Variants in CMTR1 observed in about 807,000 individuals in gnomAD.
The protein encoded by CMTR1 is cap methyltransferase 1, also known as cap-specific mRNA (nucleoside-2'-O-)-methyltransferase 1.
CMTR1 carries 39 observed loss-of-function variants against 107.0 expected under a neutral mutation model. The observed-to-expected ratio is 0.36, with a 90% CI of 0.28 to 0.48. The LOEUF (loss-of-function observed/expected upper bound fraction) is 0.48. CMTR1 is among the 20% of genes least tolerant of loss of function. CMTR1 has a pLI of 0.99. For synonymous variants in CMTR1, 366 were observed against 379.5 expected (o/e 0.96, Z 0.41); for missense variants, 672 against 1,064.9 (o/e 0.63, Z 5.14).
chr6:37,471,092 C>G lies in CMTR1; in HGVS notation c.1562+15C>G. On this transcript the variant is annotated intron_variant, in intron 14 of 23. Coordinates refer to ENST00000373451, the MANE Select transcript of CMTR1 (RefSeq NM_015050.3). ...GTTCAAGACACGTGAGTGTTGCCCACTTTTCAGAAACCACCTATTTCAAGG... is the reference window on the plus strand; with the variant it reads ...GTTCAAGACACGTGAGTGTTGCCCAGTTTTCAGAAACCACCTATTTCAAGG... 7.6e-6 allele frequency: 12 copies of G among 1,580,794 alleles called. No homozygotes were observed. Among genetic ancestry groups the G allele is most frequent in the Non-Finnish European group, 9.5e-6 (11 of 1,162,822 alleles).
upstream of CMTR1, among the ~76,000 whole-genome samples, chr6:37,431,572 G>A (rs1771372835): frequency 1.3e-5 from 2 of 152,166 alleles, no homozygotes; most frequent in Admixed American, 6.5e-5. Context: ...CAGCTGAGTC[G>A]GGGAGGCAGA....
Position 37,480,027 on chromosome 6 carries a change from G to T in CMTR1, c.2390G>T (p.Gly797Val). 1 of 1,577,910 alleles carries T rather than the reference G, an allele frequency of 6.3e-7. No homozygotes were observed. Among genetic ancestry groups the T allele is most frequent in the Non-Finnish European group, 8.6e-7 (1 of 1,166,344 alleles). The part of the protein sequence containing the change: ...SIAPFHICYY[G>V]RLFWEWGDGI... ...CTCCTCCCCAGCATTTGCTACTATG[G>T]CCGGCTCTTCTGGGAGTGGGGGGAT... The change falls in exon 24 of 24, where the codon GGC (glycine) becomes GTC (valine). Residue 797 changes from glycine to valine, a missense_variant. Around this residue, in one of 2 missense-constraint regions of CMTR1, gnomAD observed 583 missense variants for 968.4 expected, o/e 0.60. Transcript: ENST00000373451.
the CMTR1 span, among the ~76,000 whole-genome samples, chr6:37,425,765 T>A: frequency 6.6e-6 from 1 of 152,216 alleles, no homozygotes; most frequent in Non-Finnish European, 1.5e-5. Context: ...GATATGCATA[T>A]CTTTGAGTTC....
At position 37,446,397 on chromosome 6, in the gene CMTR1, C is replaced by T. The variant is rs146199761; in HGVS notation, c.392C>T (p.Thr131Ile). The change falls in exon 4 of 24, where the codon ACA (threonine) becomes ATA (isoleucine). Residue 131 changes from threonine (T) to isoleucine (I), a missense_variant. By Grantham distance (89) the Thr-to-Ile change is moderately conservative (BLOSUM62 -1). Transcript: ENST00000373451. ...AAAGGTCGAAGAGGCTTGGGTCTGA[C>T]ACTCCGGGGCTTTGACCAGGAGCTG... ...SQKGRRGLGLTLRGFDQELNV... is the reference protein window; with the variant it reads ...SQKGRRGLGLILRGFDQELNV... 101 of 1,614,042 alleles carry T rather than the reference C, an allele frequency of 6.3e-5. No homozygotes were observed. Among genetic ancestry groups the T allele is most frequent in the Middle Eastern group, 1.6e-4 (1 of 6,084 alleles).
chr6:37,436,010 C>T (rs566966905), intron 2 of CMTR1, among the ~76,000 whole-genome samples: 6 of 152,302 alleles, frequency 3.9e-5, no homozygotes, highest in Non-Finnish European at 8.8e-5. Context: ...GGTTGTCCTT[C>T]AGTAGGTGGC....
intron 4 of CMTR1, among the ~76,000 whole-genome samples, chr6:37,448,847 A>G (rs1771866379): frequency 6.6e-6 from 1 of 152,230 alleles, no homozygotes; most frequent in African/African-American, 2.4e-5. Flanking sequence ...CAGTAGAATC[A>G]TCTGGGGACT....
intron 12 of CMTR1, among the ~76,000 whole-genome samples, chr6:37,462,617 A>T (rs1328603784): frequency 6.6e-6 from 1 of 152,232 alleles, no homozygotes; most frequent in Non-Finnish European, 1.5e-5. Flanking sequence ...GGAAGTTAGG[A>T]ACTACTGCGA....
At position 37,435,637 on chromosome 6, in the gene CMTR1, G is replaced by A. The variant is rs951541801; in HGVS notation, c.8G>A (p.Arg3Lys). The change falls in exon 2 of 24, where the codon AGG becomes AAG. Residue 3 changes from arginine to lysine, a missense_variant. Transcript: ENST00000373451. MK[R>K]RTDPECTAPI... is the part of the protein sequence containing the mutation. ...TTATGGTTACAGTTAACGATGAAGA[G>A]GAGAACTGACCCAGAATGCACTGCC... is the stretch of plus-strand genomic sequence containing the variant. The A allele has an allele frequency of 1.9e-6, 3 of 1,599,352 alleles. No individual in the cohort carries two copies. The highest frequency in any genetic ancestry group is 2.6e-6 in the Non-Finnish European group (3 of 1,174,192).
intron 13 of CMTR1, among the ~76,000 whole-genome samples, chr6:37,466,006 A>G (rs1372079417): frequency 1.3e-5 from 2 of 149,046 alleles, no homozygotes; most frequent in Admixed American, 6.7e-5. Flanking sequence ...CAATTTACCA[A>G]TTTTTTTCTT....
At chr6:37,475,954 C>T (rs776843138) in intron 19 of CMTR1, 172 bp from the exon 20 acceptor site, 7 of 624,420 alleles carry the variant, frequency 1.1e-5, no homozygotes, top group Admixed American at 5.1e-5. Context: ...ATAAAGACGT[C>T]GGTGGAGAAG....
At chr6:37,446,515 G>C in intron 4 of CMTR1, 66 bp downstream of exon 4, 3 of 1,543,354 alleles carry the variant, frequency 1.9e-6, no homozygotes, top group Non-Finnish European at 2.6e-6. Context: ...GCTTTAAGAA[G>C]CCATATCAAC....
chr6:37,462,374 C>G (rs886468934), intron 12 of CMTR1, among the ~76,000 whole-genome samples: 1 of 152,148 alleles, frequency 6.6e-6, no homozygotes, highest in African/African-American at 2.4e-5. Flanking sequence ...AGTAGGGACA[C>G]TTCAGGGGTC....
chr6:37,452,706 T>C (rs1054400735), intron 6 of CMTR1, among the ~76,000 whole-genome samples: 3 of 152,186 alleles, frequency 2.0e-5, no homozygotes, highest in Non-Finnish European at 2.9e-5. Flanking sequence ...ACCAGAACTT[T>C]GATCCCTTGG....
At position 37,433,752 on chromosome 6, in the gene CMTR1, G is replaced by T. The variant is rs560043579; in HGVS notation, c.-7+375G>T. On this transcript the variant is annotated intron_variant, in intron 1 of 23. Transcript: ENST00000373451. The stretch of plus-strand genomic sequence containing the variant: ...CGGAAGCAGCAGGTAGAACCAGGCC[G>T]CTTGCCTTCCGCTTAGAAGTTCCCT... 2.0e-5 allele frequency among the ~76,000 whole-genome samples: 3 copies of T among 152,346 alleles called. No homozygotes were observed. In the East Asian group the frequency reaches 5.8e-4, roughly 29 times the overall value.
chr6:37,475,956 G>A (rs571549923), intron 19 of CMTR1, 170 bp from the exon 20 acceptor site: 5 of 632,592 alleles, frequency 7.9e-6, no homozygotes, highest in Non-Finnish European at 1.4e-5. Context: ...AAAGACGTCG[G>A]TGGAGAAGGG....
chr6:37,450,410 G>T, intron 5 of CMTR1, 67 bp downstream of exon 5: 1 of 1,174,636 alleles, frequency 8.5e-7, no homozygotes, highest in South Asian at 1.2e-5. Flanking sequence ...GCTCGAGTCT[G>T]GTATTTACAT....
intron 4 of CMTR1, among the ~76,000 whole-genome samples, chr6:37,449,836 A>G (rs563095137): frequency 1.3e-5 from 2 of 152,210 alleles, no homozygotes; most frequent in African/African-American, 2.4e-5. Flanking sequence ...TCTTTCTGAT[A>G]TACTTATCTT....
In CMTR1 at chr6:37,458,966, A is replaced by G. The variant is rs1761350857; in HGVS notation, c.976+156A>G. ...ATGTCAGAATCTTGGTTCCCTCTGG[A>G]CTATCCCTTTTTACCCTGGGCCTGC... On this transcript the variant is annotated intron_variant, in intron 9 of 23. Transcript: ENST00000373451. This position sits in a 1 kb window ranked among gnomAD's most constrained non-coding sequence, Gnocchi z 4.7. Among the ~76,000 whole-genome samples the G allele has an allele frequency of 6.6e-6, 1 of 152,148 alleles. No homozygotes were observed. The highest frequency in any genetic ancestry group is 1.5e-5 in the Non-Finnish European group (1 of 68,028).
chr6:37,447,969 G>A (rs1165667516), intron 4 of CMTR1, among the ~76,000 whole-genome samples: 1 of 152,082 alleles, frequency 6.6e-6, no homozygotes, highest in African/African-American at 2.4e-5. Flanking sequence ...CCAGCACTTT[G>A]GGAGGCCAAG....
Sources: gnomAD v4.1 joint callset for allele counts (sites outside exome capture counted in the v4.1 genomes callset) on GRCh38, gnomAD v4.1.1 for gene constraint, gnomAD v4.1.1 regional missense constraint, Gnocchi (gnomAD v3.1) non-coding constraint, MANE v1.5 for transcripts, NCBI Gene and HGNC (gene_info 2026-07-23, HGNC 2026-07-21) for gene names.